Variants in DENND3 observed in about 807,000 individuals in gnomAD.
DENND3 encodes the protein DENN domain-containing protein 3.
In DENND3, 88 loss-of-function variants were observed where a neutral mutation model predicts 135.1. The ratio of observed to expected loss-of-function variants is 0.65; its 90% CI spans 0.55 to 0.78. DENND3 has a LOEUF of 0.78. DENND3 is among the 30% of genes least tolerant of loss of function. The pLI is 0.00. For synonymous variants in DENND3, 693 were observed against 712.3 expected, an observed-to-expected ratio of 0.97 and a Z score of 0.43; for missense variants, 1,392 against 1,688.4, an observed-to-expected ratio of 0.82 and a Z score of 3.08.
rs371631421 is a variant in DENND3 at position 141,176,582 on chromosome 8, C to T, written c.2536-9C>T. ...TGACATTCCTAACTTTTCTTTTCTG[C>T]CTCTGCAGGAGGTCAGGAGAACCAC... On this transcript the variant is annotated splice_polypyrimidine_tract_variant and intron_variant, in intron 14 of 22. Coordinates refer to ENST00000519811, the MANE Select transcript of DENND3 (RefSeq NM_001352890.3). The T allele has an allele frequency of 6.2e-7, 1 of 1,614,164 alleles. No homozygotes were observed. Among genetic ancestry groups the T allele is most frequent in the African/African-American group, 1.3e-5 (1 of 75,060 alleles).
In DENND3 at chr8:141,139,921, T is replaced by C. The variant is rs1817250411; in HGVS notation, c.502-1282T>C. ...ATCTATCGTTTTTTTCTTTCTTTTTTTTTTTTGAGACAGTCTCGCTGTGTC... is the reference window on the plus strand; with the variant it reads ...ATCTATCGTTTTTTTCTTTCTTTTTCTTTTTTGAGACAGTCTCGCTGTGTC... On this transcript the variant is annotated intron_variant, in intron 3 of 22. Transcript: ENST00000519811. The surrounding 1 kb of genome is among the most constrained non-coding windows in gnomAD (Gnocchi z 4.2). Among the ~76,000 whole-genome samples the C allele has an allele frequency of 6.6e-6, 1 of 151,914 alleles. No individual in the cohort carries two copies. Among genetic ancestry groups the C allele is most frequent in the Admixed American group, 6.6e-5 (1 of 15,266 alleles).
intron 10 of DENND3, among the ~76,000 whole-genome samples, chr8:141,164,276 C>T (rs140303337): frequency 1.9e-3 from 282 of 152,368 alleles, no homozygotes; most frequent in African/African-American, 6.1e-3. Flanking sequence ...GTTCTTCTGT[C>T]CACCTGCTAC....
At chr8:141,149,723 C>A (rs560770460) in intron 5 of DENND3, among the ~76,000 whole-genome samples, 3 of 152,368 alleles carry the variant, frequency 2.0e-5, no homozygotes, top group African/African-American at 7.2e-5. Context: ...AAAACCTAGC[C>A]GGGCACGGGC....
At chr8:141,190,110 G>GTT (rs765178398) in intron 19 of DENND3, among the ~76,000 whole-genome samples, 174 bp from the exon 20 acceptor site, 5 of 151,524 alleles carry the variant, frequency 3.3e-5, no homozygotes, top group Non-Finnish European at 7.4e-5. Flanking sequence ...TTATTATCAT[G>GTT]TTTGCAGGTT....
At chr8:141,165,384 T>A in intron 11 of DENND3, 95 bp downstream of exon 11, 1 of 965,254 alleles carries the variant, frequency 1.0e-6, no homozygotes. Flanking sequence ...AGAAAGTCAA[T>A]GGGAAATACC....
Position 141,154,365 on chromosome 8 carries a change from G to A in DENND3, c.1075-1484G>A, listed in dbSNP as rs938213169. Among the ~76,000 whole-genome samples, 1 of 152,148 alleles carries A rather than the reference G, an allele frequency of 6.6e-6. No homozygotes were observed. On this transcript the variant is annotated intron_variant, in intron 7 of 22. Coordinates refer to ENST00000519811, the MANE Select transcript of DENND3 (RefSeq NM_001352890.3). This position sits in a 1 kb window ranked among gnomAD's most constrained non-coding sequence, Gnocchi z 4.4. Reference sequence around the variant, plus strand: ...AGGGCTACGCGGTCTCTTAGCCCAGGCCCCTGCCCATGCTCTGGTGCTTGG... The same window carrying A: ...AGGGCTACGCGGTCTCTTAGCCCAGACCCCTGCCCATGCTCTGGTGCTTGG...
chr8:141,151,288 C>T (rs190594719), intron 6 of DENND3, among the ~76,000 whole-genome samples: 1 of 152,204 alleles, frequency 6.6e-6, no homozygotes, highest in East Asian at 1.9e-4. Flanking sequence ...GGGCCGGGTG[C>T]GGTGGCTCAT....
At position 141,141,980 on chromosome 8, in the gene DENND3, G is replaced by C. The variant is rs1817516911; in HGVS notation, c.623+656G>C. The C allele has an allele frequency of 4.5e-6, 1 of 220,388 alleles. No individual in the cohort carries two copies. The highest frequency in any genetic ancestry group is 5.3e-5 in the Admixed American group (1 of 18,946). 13.7% of individuals were successfully genotyped at this position (220,388 alleles called of 1,614,324 possible). The stretch of plus-strand genomic sequence containing the variant: ...GATGGCTTAAGCCTAGGAGTTCAAG[G>C]CTGCAGTGAGCTGTGATTGCACCAC... On this transcript the variant is annotated intron_variant, in intron 4 of 22. Transcript: ENST00000519811. This position sits in a 1 kb window ranked among gnomAD's most constrained non-coding sequence, Gnocchi z 5.3.
intron 1 of DENND3, among the ~76,000 whole-genome samples, chr8:141,134,855 G>C (rs1197573228): frequency 6.6e-6 from 1 of 151,594 alleles, no homozygotes; most frequent in East Asian, 2.0e-4. Context: ...CTTCCTTACG[G>C]AGTCTTGCTC....
At chr8:141,190,683 T>A in intron 20 of DENND3, 1 of 409,846 alleles carries the variant, frequency 2.4e-6, no homozygotes, top group Admixed American at 4.7e-5. Context: ...CTCCTGTCCC[T>A]CACCTTGGCT....
At chr8:141,162,022 C>T (rs549127361) in intron 9 of DENND3, among the ~76,000 whole-genome samples, 1 of 152,228 alleles carries the variant, frequency 6.6e-6, no homozygotes, top group African/African-American at 2.4e-5. Context: ...CCAGGCTAGT[C>T]TCCAACTCCT....
At chr8:141,162,423 C>T (rs1016627454) in intron 9 of DENND3, among the ~76,000 whole-genome samples, 21 of 151,786 alleles carry the variant, frequency 1.4e-4, no homozygotes, top group Admixed American at 7.2e-4. Flanking sequence ...AGCAAGATCC[C>T]GGCTCTTTAA....
Position 141,141,768 on chromosome 8 carries a change from T to C in DENND3, c.623+444T>C. The C allele has an allele frequency of 4.8e-6, 1 of 208,160 alleles. No individual in the cohort carries two copies. 12.9% of individuals were successfully genotyped at this position (208,160 alleles called of 1,614,324 possible). Reference sequence around the variant, plus strand: ...CATTTTAAAGATGACCTTGGCTGGGTGTGGTGGCTCACACCTGTAATCCCA... The same window carrying C: ...CATTTTAAAGATGACCTTGGCTGGGCGTGGTGGCTCACACCTGTAATCCCA... On this transcript the variant is annotated intron_variant, in intron 4 of 22. Transcript: ENST00000519811. This position sits in a 1 kb window ranked among gnomAD's most constrained non-coding sequence, Gnocchi z 5.3.
chr8:141,148,279 G>T (rs1818393847), intron 5 of DENND3, among the ~76,000 whole-genome samples: 1 of 152,146 alleles, frequency 6.6e-6, no homozygotes, highest in Non-Finnish European at 1.5e-5. Flanking sequence ...GGCACAGGGG[G>T]TAGAGGACAG....
In DENND3 at chr8:141,141,088, G is replaced by A. The variant is rs184736798; in HGVS notation, c.502-115G>A. The stretch of plus-strand genomic sequence containing the variant: ...CGGTGCTGGCTTGGACGCGTTGCAG[G>A]GGTGGGGATGGTGGACTCTCAGCTT... On this transcript the variant is annotated intron_variant, in intron 3 of 22. Transcript: ENST00000519811. This position sits in a 1 kb window ranked among gnomAD's most constrained non-coding sequence, Gnocchi z 5.3. The A allele has an allele frequency of 7.6e-5, 116 of 1,519,918 alleles. No individual in the cohort carries two copies. The East Asian group carries it at 2.3e-3, about 30-fold the overall frequency. The allele number at this position is 1,519,918 out of a possible 1,614,324, so 94.2% of individuals were successfully genotyped here.
chr8:141,190,469 A>G (rs1467464527), intron 20 of DENND3, 52 bp downstream of exon 20: 2 of 1,528,690 alleles, frequency 1.3e-6, no homozygotes, highest in African/African-American at 2.8e-5. Flanking sequence ...CTGCTCTGGG[A>G]AAAGGATGCT....
chr8:141,131,820 A>G (rs1396872444), intron 1 of DENND3, among the ~76,000 whole-genome samples: 1 of 151,802 alleles, frequency 6.6e-6, no homozygotes. Flanking sequence ...CACCTGGGAC[A>G]GAAGAATGGG....
intron 20 of DENND3, 198 bp from the exon 21 acceptor site, chr8:141,192,133 A>T (rs1589730171): frequency 1.8e-6 from 1 of 567,618 alleles, no homozygotes; most frequent in African/African-American, 1.9e-5. Flanking sequence ...GGTGAGCCTC[A>T]TTTCTTCTTA....
intron 13 of DENND3, among the ~76,000 whole-genome samples, chr8:141,171,478 T>C (rs575931960): frequency 2.6e-5 from 4 of 152,298 alleles, no homozygotes; most frequent in African/African-American, 9.6e-5. Flanking sequence ...AATGGTGACG[T>C]TGCCTGCACG....
Sources: gnomAD v4.1 joint callset for allele counts (sites outside exome capture counted in the v4.1 genomes callset) on GRCh38, gnomAD v4.1.1 for gene constraint, Gnocchi (gnomAD v3.1) non-coding constraint, MANE v1.5 for transcripts, NCBI Gene and HGNC (gene_info 2026-07-23, HGNC 2026-07-21) for gene names.